Variants in TNPO3 observed in about 807,000 individuals in gnomAD.
TNPO3 encodes the protein transportin 3.
TNPO3 carries 65 observed loss-of-function variants against 122.8 expected under a neutral mutation model. The ratio of observed to expected loss-of-function variants is 0.53; its 90% confidence interval spans 0.43 to 0.65. The LOEUF is 0.65. Ranked by LOEUF, TNPO3 falls within the 30% of genes least tolerant of loss-of-function variation. TNPO3 has a pLI of 0.00. For synonymous variants in TNPO3, 372 were observed against 411.2 expected (o/e 0.90, Z 1.15); for missense variants, 850 against 1,136.7 (o/e 0.75, Z 3.63).
Position 128,979,021 on chromosome 7 carries a change from T to C in TNPO3, c.2023A>G (p.Lys675Glu). Residue 675 changes from lysine (K) to glutamate (E), a missense_variant, in exon 16 of 23, where the codon AAA (lysine) becomes GAA (glutamate). By Grantham distance (56) the Lys-to-Glu change is moderately conservative. Coordinates refer to ENST00000265388, the MANE Select transcript of TNPO3 (RefSeq NM_012470.4). ...CLRFAVRCVGKGSAALLQPLV... is the reference protein window; with the variant it reads ...CLRFAVRCVGEGSAALLQPLV... ...GGCTGCAGCAGTGCTGCAGATCCTTTGCCTACACAGCGAACAGCAAAGCGC... is the reference window on the plus strand; with the variant it reads ...GGCTGCAGCAGTGCTGCAGATCCTTCGCCTACACAGCGAACAGCAAAGCGC... 1 of 1,614,188 alleles carries C rather than the reference T, an allele frequency of 6.2e-7. No individual in the cohort carries two copies. The highest frequency in any genetic ancestry group is 2.2e-5 in the East Asian group (1 of 44,892).
intron 1 of TNPO3, among the ~76,000 whole-genome samples, chr7:129,020,074 G>T (rs1290094530): frequency 6.6e-6 from 1 of 151,954 alleles, no homozygotes; most frequent in African/African-American, 2.4e-5. Context: ...ATGCTGAGGC[G>T]AGAGGATCAC....
Position 128,970,255 on chromosome 7 carries a change from G to C in TNPO3, c.2491C>G (p.Gln831Glu). 6.2e-7 allele frequency: 1 copy of C among 1,613,900 alleles called. No individual in the cohort carries two copies. The highest frequency in any genetic ancestry group is 8.5e-7 in the Non-Finnish European group (1 of 1,179,900). Residue 831 changes from glutamine (Q) to glutamate (E), a missense_variant, in exon 20 of 23, where the codon CAG (glutamine) becomes GAG (glutamate). Physicochemically the swap from Gln to Glu is conservative, Grantham distance 29 (BLOSUM62 2). Coordinates refer to ENST00000265388, the MANE Select transcript of TNPO3 (RefSeq NM_012470.4). ...LIGQVMNQLG[Q>E]QLVSQLLHTC... ...TGCAGCAGCTGGCTGACAAGCTGCTGTCCAAGCTGGTTCATCACCTGTCCA... is the reference window on the plus strand; with the variant it reads ...TGCAGCAGCTGGCTGACAAGCTGCTCTCCAAGCTGGTTCATCACCTGTCCA...
chr7:128,996,559 C>T (rs990497563), intron 8 of TNPO3, among the ~76,000 whole-genome samples: 40 of 151,824 alleles, frequency 2.6e-4, no homozygotes, highest in Non-Finnish European at 4.4e-4. Context: ...CTGGCTAACA[C>T]GGTGAAACCC....
intron 16 of TNPO3, among the ~76,000 whole-genome samples, chr7:128,977,364 G>A (rs770611563): frequency 1.3e-5 from 2 of 152,204 alleles, no homozygotes; most frequent in Non-Finnish European, 2.9e-5. Context: ...GACCAGAGGT[G>A]GCAATCGCCT....
chr7:128,964,040 G>A (rs1797705972), intron 21 of TNPO3, among the ~76,000 whole-genome samples: 1 of 151,998 alleles, frequency 6.6e-6, no homozygotes. Context: ...GTACAAGTTG[G>A]TTCGTTTACA....
chr7:128,996,193 T>TCAAC (rs1246096405), intron 8 of TNPO3, among the ~76,000 whole-genome samples: 1 of 152,162 alleles, frequency 6.6e-6, no homozygotes, highest in East Asian at 1.9e-4. Flanking sequence ...AAGGACGGAT[T>TCAAC]CAACCAACCA....
At chr7:129,031,138 T>A (rs906360407) in intron 1 of TNPO3, among the ~76,000 whole-genome samples, 2 of 151,844 alleles carry the variant, frequency 1.3e-5, no homozygotes, top group East Asian at 1.9e-4. Flanking sequence ...TACAAAAAAA[T>A]AAATAAATAA....
intron 20 of TNPO3, among the ~76,000 whole-genome samples, chr7:128,969,296 T>A (rs1189401009): frequency 7.9e-5 from 12 of 152,154 alleles, no homozygotes; most frequent in Non-Finnish European, 1.3e-4. Flanking sequence ...AAAGTACTTT[T>A]CTTTAGAAAA....
intron 1 of TNPO3, among the ~76,000 whole-genome samples, chr7:129,018,663 G>A (rs984661208): frequency 1.3e-5 from 2 of 152,024 alleles, no homozygotes; most frequent in South Asian, 2.1e-4. Context: ...ATTAGTTCCC[G>A]ACAAAATAGC....
intron 3 of TNPO3, among the ~76,000 whole-genome samples, chr7:129,016,642 T>C (rs1247346392): frequency 6.6e-6 from 1 of 152,206 alleles, no homozygotes; most frequent in African/African-American, 2.4e-5. Flanking sequence ...CACATATTCA[T>C]AACAACCTCC....
intron 1 of TNPO3, among the ~76,000 whole-genome samples, chr7:129,045,791 A>G (rs1296837506): frequency 6.6e-6 from 1 of 152,228 alleles, no homozygotes; most frequent in Non-Finnish European, 1.5e-5. Flanking sequence ...ACAGACTACC[A>G]TGGCAACAGA....
intron 1 of TNPO3, among the ~76,000 whole-genome samples, chr7:129,045,043 T>C (rs1279027185): frequency 6.6e-6 from 1 of 152,184 alleles, no homozygotes. Flanking sequence ...TTTCTGACAA[T>C]GCTACGCACA....
At position 129,016,962 on chromosome 7, in the gene TNPO3, G is replaced by C. The variant is rs530606389; in HGVS notation, c.395+21C>G. ...AATGGCAATTCCAAATGCTAATATA[G>C]AGTCAATACAAATTACTTACTTTTC... On this transcript the variant is annotated intron_variant, in intron 3 of 22. Transcript: ENST00000265388. 173 of 1,609,890 alleles carry C rather than the reference G, an allele frequency of 1.1e-4. 5 individuals are homozygous for C. The South Asian group carries it at 1.9e-3, about 18-fold the overall frequency.
At chr7:129,021,677 G>A (rs1203952936) in intron 1 of TNPO3, among the ~76,000 whole-genome samples, 2 of 152,004 alleles carry the variant, frequency 1.3e-5, no homozygotes, top group African/African-American at 2.4e-5. Context: ...AAAATAAGCA[G>A]AGTAATACCT....
chr7:129,002,054 G>T (rs539994906), intron 5 of TNPO3, among the ~76,000 whole-genome samples: 1 of 152,190 alleles, frequency 6.6e-6, no homozygotes, highest in African/African-American at 2.4e-5. Flanking sequence ...ATAGTAAGGA[G>T]CAGAATTCAG....
intron 3 of TNPO3, among the ~76,000 whole-genome samples, chr7:129,016,381 C>T (rs890450433): frequency 2.6e-5 from 4 of 152,062 alleles, no homozygotes; most frequent in African/African-American, 7.2e-5. Context: ...GCAACAAGAG[C>T]GAGACTCCAT....
At chr7:129,041,814 A>G in intron 1 of TNPO3, 2 of 863,394 alleles carry the variant, frequency 2.3e-6, no homozygotes, top group Non-Finnish European at 2.8e-6. Flanking sequence ...TCTTTTCAAA[A>G]GATATTTCCA....
At chr7:129,024,679 C>T (rs1308601659) in intron 1 of TNPO3, among the ~76,000 whole-genome samples, 6 of 152,128 alleles carry the variant, frequency 3.9e-5, no homozygotes, top group Admixed American at 3.9e-4. Flanking sequence ...TCAGCAAAAT[C>T]CACTGTGGGA....
intron 4 of TNPO3, among the ~76,000 whole-genome samples, chr7:129,008,325 T>A (rs1289515484): frequency 2.0e-5 from 3 of 151,892 alleles, no homozygotes; most frequent in Non-Finnish European, 2.9e-5. Flanking sequence ...TAGACTAATC[T>A]GAGCAACAAA....
Sources: gnomAD v4.1 joint callset for allele counts (sites outside exome capture counted in the v4.1 genomes callset) on GRCh38, gnomAD v4.1.1 for gene constraint, MANE v1.5 for transcripts, NCBI Gene and HGNC (gene_info 2026-07-23, HGNC 2026-07-21) for gene names.